RAP1GDS1: variants seen among roughly 807,000 people sequenced by gnomAD.
The protein encoded by RAP1GDS1 is RAP1, GTP-GDP dissociation stimulator 1.
RAP1GDS1 carries 35 observed loss-of-function variants against 71.1 expected under a neutral mutation model. That is an observed-to-expected ratio of 0.49 (90% CI 0.38 to 0.65). RAP1GDS1 has a LOEUF of 0.65. Ranked by LOEUF, RAP1GDS1 falls within the 30% of genes least tolerant of loss-of-function variation. The pLI is 0.00. For synonymous variants in RAP1GDS1, 229 were observed against 243.1 expected (o/e 0.94, Z 0.54); for missense variants, 663 against 706.1 (o/e 0.94, Z 0.69).
chr4:98,301,373 C>G (rs1359918310), intron 2 of RAP1GDS1, among the ~76,000 whole-genome samples: 1 of 152,090 alleles, frequency 6.6e-6, no homozygotes, highest in Non-Finnish European at 1.5e-5. Flanking sequence ...AAGACATTGA[C>G]AATTCCTGAT....
At chr4:98,334,139 C>G (rs1452646581) in intron 2 of RAP1GDS1, among the ~76,000 whole-genome samples, 4 of 152,068 alleles carry the variant, frequency 2.6e-5, no homozygotes, top group African/African-American at 9.7e-5. Context: ...TTTATTTAAG[C>G]CAATCTGAAT....
At chr4:98,438,122 G>A (rs1380096080) in intron 14 of RAP1GDS1, among the ~76,000 whole-genome samples, 1 of 151,920 alleles carries the variant, frequency 6.6e-6, no homozygotes, top group Non-Finnish European at 1.5e-5. Flanking sequence ...ACACCTTTAG[G>A]ATTGCTGTGC....
intron 3 of RAP1GDS1, among the ~76,000 whole-genome samples, chr4:98,345,724 T>TA (rs992857105): frequency 1.1e-4 from 16 of 152,322 alleles, no homozygotes; most frequent in African/African-American, 3.8e-4. Context: ...TTTATACAGA[T>TA]AAGAAAACAT....
chr4:98,322,889 A>C (rs1732194579), intron 2 of RAP1GDS1, among the ~76,000 whole-genome samples: 1 of 123,814 alleles, frequency 8.1e-6, no homozygotes, highest in Non-Finnish European at 1.5e-5. Context: ...ACACATTCAA[A>C]AGCTAGCAGA....
intron 2 of RAP1GDS1, 68 bp from the exon 3 acceptor site, chr4:98,343,071 G>A: frequency 1.4e-6 from 2 of 1,444,476 alleles, no homozygotes; most frequent in Admixed American, 4.9e-5. Flanking sequence ...AGAATTTATT[G>A]TAGATAATGG....
At chr4:98,383,243 A>C (rs1430937051) in intron 5 of RAP1GDS1, among the ~76,000 whole-genome samples, 1 of 151,600 alleles carries the variant, frequency 6.6e-6, no homozygotes, top group African/African-American at 2.4e-5. Flanking sequence ...GAAAGTGGTA[A>C]ATGATAAGCA....
At chr4:98,277,139 A>G (rs1724334721) in intron 1 of RAP1GDS1, among the ~76,000 whole-genome samples, 1 of 152,162 alleles carries the variant, frequency 6.6e-6, no homozygotes, top group African/African-American at 2.4e-5. Flanking sequence ...CACACACACA[A>G]ACATGAAGAA....
At chr4:98,296,476 C>A (rs1036758607) in intron 2 of RAP1GDS1, among the ~76,000 whole-genome samples, 1 of 151,106 alleles carries the variant, frequency 6.6e-6, no homozygotes, top group Non-Finnish European at 1.5e-5. Context: ...TGAATACTTA[C>A]TAGATTTTAT....
chr4:98,422,116 C>T (rs942589691), intron 12 of RAP1GDS1, among the ~76,000 whole-genome samples: 2 of 151,520 alleles, frequency 1.3e-5, no homozygotes, highest in Non-Finnish European at 2.9e-5. Flanking sequence ...AGGAGAATGG[C>T]GTGAACCCGG....
intron 3 of RAP1GDS1, among the ~76,000 whole-genome samples, chr4:98,343,670 A>T (rs570572470): frequency 6.6e-6 from 1 of 152,182 alleles, no homozygotes; most frequent in South Asian, 2.1e-4. Flanking sequence ...TTGTTCCGAC[A>T]TTGGCACTTC....
At chr4:98,301,759 T>G (rs1389968560) in intron 2 of RAP1GDS1, among the ~76,000 whole-genome samples, 1 of 152,148 alleles carries the variant, frequency 6.6e-6, no homozygotes, top group Non-Finnish European at 1.5e-5. Context: ...ATTCTAACAT[T>G]GGCTACTTAA....
chr4:98,269,299 A>G (rs1358453574), intron 1 of RAP1GDS1, among the ~76,000 whole-genome samples: 1 of 152,074 alleles, frequency 6.6e-6, no homozygotes, highest in Admixed American at 6.6e-5. Context: ...TATTCATCCC[A>G]TATACAAAAA....
At chr4:98,363,750 G>A (rs771015722) in intron 4 of RAP1GDS1, among the ~76,000 whole-genome samples, 15 of 152,156 alleles carry the variant, frequency 9.9e-5, no homozygotes, top group Non-Finnish European at 1.9e-4. Flanking sequence ...TGGAAAAGGA[G>A]TTGAGAAGCA....
Position 98,431,643 on chromosome 4 carries a change from G to A in RAP1GDS1, c.1441-2293G>A, listed in dbSNP as rs75755897. Among the ~76,000 whole-genome samples, 1,383 of 152,264 alleles carry A rather than the reference G, an allele frequency of 9.1e-3. 23 individuals carry two copies. Among genetic ancestry groups the A allele is most frequent in the African/African-American group, 0.032 (1,313 of 41,538 alleles). ...CCACTTATTTATTGTCTGAACTTGG[G>A]CAAATGACTTCATCTGAGCTTCAGT... is the stretch of plus-strand genomic sequence containing the variant. On this transcript the variant is annotated intron_variant, in intron 12 of 14. Coordinates refer to ENST00000408927, the MANE Select transcript of RAP1GDS1 (RefSeq NM_001100427.2).
At chr4:98,293,622 A>G (rs958472937) in intron 2 of RAP1GDS1, 107 bp downstream of exon 2, 2 of 764,622 alleles carry the variant, frequency 2.6e-6, no homozygotes, top group African/African-American at 1.8e-5. Flanking sequence ...ATATAACTTG[A>G]ATTCTTTTGA....
chr4:98,309,909 A>G (rs1158166805), intron 2 of RAP1GDS1, among the ~76,000 whole-genome samples: 1 of 151,930 alleles, frequency 6.6e-6, no homozygotes, highest in Non-Finnish European at 1.5e-5. Flanking sequence ...AATGGGTTAT[A>G]TAATTAAGAG....
chr4:98,378,654 T>C (rs77687856), intron 4 of RAP1GDS1, among the ~76,000 whole-genome samples: 21,969 of 151,818 alleles, frequency 0.14, 2,302 homozygotes, highest in African/African-American at 0.29. Context: ...AAAACTTATA[T>C]CAATAGAATA....
chr4:98,402,159 C>T (rs1745512132), intron 6 of RAP1GDS1, among the ~76,000 whole-genome samples: 1 of 152,100 alleles, frequency 6.6e-6, no homozygotes, highest in Non-Finnish European at 1.5e-5. Context: ...TGCACCTCTG[C>T]CTCTCAGGTT....
chr4:98,285,539 G>A (rs1446980509), intron 1 of RAP1GDS1, among the ~76,000 whole-genome samples: 1 of 151,954 alleles, frequency 6.6e-6, no homozygotes, highest in East Asian at 1.9e-4. Context: ...AGGAATATCT[G>A]TACTGATCTC....
Sources: allele counts gnomAD v4.1 joint callset (sites outside exome capture counted in the v4.1 genomes callset), GRCh38; gene constraint gnomAD v4.1.1; transcripts MANE v1.5; gene names NCBI Gene and HGNC (gene_info 2026-07-23, HGNC 2026-07-21).